Variants in CCDC33 observed in about 807,000 individuals in gnomAD.
The protein encoded by CCDC33 is coiled-coil domain-containing protein 33.
CCDC33 carries 94 observed loss-of-function variants against 91.9 expected under a neutral mutation model. The observed-to-expected ratio is 1.02, with a 90% CI of 0.87 to 1.21. The LOEUF (loss-of-function observed/expected upper bound fraction) is 1.21, where lower values mean the gene tolerates loss of function less well. CCDC33 is among the 50% of genes most tolerant of loss of function. The pLI is 0.00. For missense variants in CCDC33, 940 were observed against 935.5 expected (o/e 1.00, Z -0.06); for synonymous variants, 396 against 374.5 (o/e 1.06, Z -0.66).
chr15:74,325,565 G>T (rs1022261223), intron 11 of CCDC33, among the ~76,000 whole-genome samples: 1 of 152,090 alleles, frequency 6.6e-6, no homozygotes, highest in Non-Finnish European at 1.5e-5. Flanking sequence ...GGTCTGGGCT[G>T]GTCTGGGCTC....
rs2074496915 is a variant in CCDC33, at chr15:74,218,149, G to A, written c.311-348G>A. Among the ~76,000 whole-genome samples the A allele has an allele frequency of 6.6e-6, 1 of 152,186 alleles. No homozygotes were observed. Among genetic ancestry groups the A allele is most frequent in the African/African-American group, 2.4e-5 (1 of 41,450 alleles). On this transcript the variant is annotated intron_variant, in intron 1 of 2. Transcript: ENST00000635913. This position sits in a 1 kb window ranked among gnomAD's most constrained non-coding sequence, Gnocchi z 4.8. ...GGAGGAGGAGGGATGTGAGGGAACA[G>A]GGAAACCAAGTCCCAGACTTTAAAT...
At chr15:74,231,202 G>C (rs2074961722) in intron 2 of CCDC33, among the ~76,000 whole-genome samples, 1 of 152,212 alleles carries the variant, frequency 6.6e-6, no homozygotes, top group Non-Finnish European at 1.5e-5. Context: ...AAAGACAGCA[G>C]CCTGCATCTA....
intron 3 of CCDC33, among the ~76,000 whole-genome samples, chr15:74,263,408 C>T (rs2076080735): frequency 6.6e-6 from 1 of 152,314 alleles, no homozygotes; most frequent in African/African-American, 2.4e-5. Flanking sequence ...GGCTTTGCCT[C>T]TCCCCCTTGA....
chr15:74,245,961 A>G (rs967126124), intron 2 of CCDC33, among the ~76,000 whole-genome samples: 4 of 152,098 alleles, frequency 2.6e-5, no homozygotes, highest in Non-Finnish European at 5.9e-5. Context: ...AGCTGTCAGG[A>G]CCTGAAGGGG....
At chr15:74,335,524 C>T in intron 18 of CCDC33, 1 of 370,982 alleles carries the variant, frequency 2.7e-6, no homozygotes, top group Non-Finnish European at 4.9e-6. Flanking sequence ...TCCACTTTGC[C>T]AACTTCCCGA....
exon 1 of CCDC33, chr15:74,217,371 A>G (rs1567209728): frequency 7.8e-7 from 1 of 1,290,022 alleles, no homozygotes. Context: ...CGAAGTTTTG[A>G]GCGTGGGGTT....
Position 74,295,900 on chromosome 15 carries a change from A to G in CCDC33, c.1242A>G (p.Pro414=). Residue 414 remains proline (P), a synonymous_variant, in exon 11 of 19, where the codon CCA becomes CCG. Coordinates refer to ENST00000398814, the MANE Select transcript of CCDC33 (RefSeq NM_025055.5). ...CAATGGACTTGAGCACGTCCACTCCACGAGAAGCAGAGGAGGAACCTCTGG... is the reference window on the plus strand; with the variant it reads ...CAATGGACTTGAGCACGTCCACTCCGCGAGAAGCAGAGGAGGAACCTCTGG... ...SSTMDLSTST[P]REAEEEPLVP... 1 of 1,614,050 alleles carries G rather than the reference A, an allele frequency of 6.2e-7. No individual in the cohort carries two copies. Among genetic ancestry groups the G allele is most frequent in the Non-Finnish European group, 8.5e-7 (1 of 1,179,958 alleles).
chr15:74,311,165 C>T (rs933632418), intron 11 of CCDC33, among the ~76,000 whole-genome samples: 1 of 152,130 alleles, frequency 6.6e-6, no homozygotes, highest in Admixed American at 6.5e-5. Flanking sequence ...TTCCCCTACC[C>T]ATGGTCCCTC....
chr15:74,207,563 C>T lies in CCDC33; in HGVS notation n.90-1825C>T. 3.5e-6 allele frequency: 3 copies of T among 857,906 alleles called. No individual in the cohort carries two copies. The South Asian group carries it at 4.9e-5, about 14-fold the overall frequency. The allele number at this position is 857,906 out of a possible 1,614,324, so 53.1% of individuals were successfully genotyped here. ...TGCTCTCCACCCTCCCATCTCAGCCCTTGACTCTGAGTCCAGCAGCAAACC... is the reference window on the plus strand; with the variant it reads ...TGCTCTCCACCCTCCCATCTCAGCCTTTGACTCTGAGTCCAGCAGCAAACC... On this transcript the variant is annotated intron_variant and non_coding_transcript_variant, in intron 1 of 3. Transcript: ENST00000558645.
chr15:74,228,449 T>C (rs2074867560), intron 2 of CCDC33, among the ~76,000 whole-genome samples: 1 of 152,226 alleles, frequency 6.6e-6, no homozygotes. Flanking sequence ...GCCGAGTGAA[T>C]GGCAGCTTGC....
chr15:74,268,826 C>G (rs560378413), intron 5 of CCDC33, among the ~76,000 whole-genome samples: 3 of 152,334 alleles, frequency 2.0e-5, no homozygotes, highest in South Asian at 2.1e-4. Flanking sequence ...CGTGCTCCCC[C>G]TGAGCCCACA....
intron 15 of CCDC33, among the ~76,000 whole-genome samples, chr15:74,332,317 C>G (rs1357461328): frequency 6.6e-6 from 1 of 152,060 alleles, no homozygotes; most frequent in Non-Finnish European, 1.5e-5. Flanking sequence ...TTTCAGGAAG[C>G]CTGAGGTCAT....
chr15:74,264,141 T>A (rs2076101927), intron 3 of CCDC33, among the ~76,000 whole-genome samples: 1 of 141,928 alleles, frequency 7.0e-6, no homozygotes, highest in South Asian at 2.2e-4. Flanking sequence ...GGCATCTCAT[T>A]GCAGATTGAA....
intron 11 of CCDC33, among the ~76,000 whole-genome samples, chr15:74,319,321 C>A (rs1233682349): frequency 6.6e-6 from 1 of 152,218 alleles, no homozygotes; most frequent in Non-Finnish European, 1.5e-5. Context: ...GATCAGAACC[C>A]AAGGTTCTGG....
At chr15:74,262,649 G>C (rs1318577099) in intron 3 of CCDC33, 76 bp downstream of exon 3, 8 of 1,501,284 alleles carry the variant, frequency 5.3e-6, no homozygotes, top group African/African-American at 1.4e-5. Flanking sequence ...CAAGAAGCAG[G>C]CTCCCTCTCA....
chr15:74,228,244 G>T (rs2074861887), intron 2 of CCDC33, among the ~76,000 whole-genome samples: 1 of 152,186 alleles, frequency 6.6e-6, no homozygotes, highest in African/African-American at 2.4e-5. Flanking sequence ...AAGGCAGAGA[G>T]GAGAGTAGTG....
In CCDC33 at chr15:74,244,103, T is replaced by C; in HGVS notation, c.140T>C (p.Leu47Pro). The change falls in exon 2 of 19, where the codon CTG becomes CCG. Residue 47 changes from leucine (L) to proline (P), a missense_variant. Transcript: ENST00000398814. The surrounding 1 kb of genome is among the most constrained non-coding windows in gnomAD (Gnocchi z 4.2). ...IMVTLHGATN[L>P]PACKDGSEPW... Reference sequence around the variant, plus strand: ...GTCACCCTCCATGGGGCTACCAACCTGCCTGCCTGCAAGGATGGCTCCGAG... The same window carrying C: ...GTCACCCTCCATGGGGCTACCAACCCGCCTGCCTGCAAGGATGGCTCCGAG... The C allele has an allele frequency of 6.2e-7, 1 of 1,612,978 alleles. No homozygotes were observed.
At chr15:74,232,165 T>A (rs2074995819), upstream of CCDC33, among the ~76,000 whole-genome samples, 2 of 152,052 alleles carry the variant, frequency 1.3e-5, no homozygotes. Context: ...GTGGTGACGA[T>A]GACAGCAGTA....
rs1209851335 is a variant in CCDC33, at chr15:74,218,441, C to G, written c.311-56C>G. On this transcript the variant is annotated intron_variant, in intron 1 of 2. Transcript: ENST00000635913. This position sits in a 1 kb window ranked among gnomAD's most constrained non-coding sequence, Gnocchi z 4.8. Reference sequence around the variant, plus strand: ...GGGCCCTGCCTGTCCTCCTAGTCACCTGGCAGATGCAGAGAAACCTGAGAC... The same window carrying G: ...GGGCCCTGCCTGTCCTCCTAGTCACGTGGCAGATGCAGAGAAACCTGAGAC... The G allele has an allele frequency of 3.3e-6, 4 of 1,229,538 alleles. No homozygotes were observed. In the East Asian group the frequency reaches 2.3e-4, roughly 70 times the overall value. The allele number at this position is 1,229,538 out of a possible 1,614,324, so 76.2% of individuals were successfully genotyped here. A position where few individuals can be genotyped will look rare whatever the true frequency, so the allele number is the denominator to read the frequency against.
Sources: gnomAD v4.1 joint callset for allele counts (sites outside exome capture counted in the v4.1 genomes callset) on GRCh38, gnomAD v4.1.1 for gene constraint, Gnocchi (gnomAD v3.1) non-coding constraint, MANE v1.5 for transcripts, NCBI Gene and HGNC (gene_info 2026-07-23, HGNC 2026-07-21) for gene names.